The following PARVA variants were observed in gnomAD, a reference collection of about 807,000 sequenced individuals.
PARVA encodes parvin alpha, also known as alpha-parvin.
PARVA carries 25 observed loss-of-function variants against 52.6 expected under a neutral mutation model. The ratio of observed to expected loss-of-function variants is 0.48; its 90% CI spans 0.35 to 0.66. The LOEUF is 0.66. Among genes scored for constraint, PARVA ranks in the 30% least tolerant of loss-of-function variants. The probability of loss-of-function intolerance (pLI) is 0.01; values close to 1 mark genes in which losing one functional copy is unlikely to be tolerated. For synonymous variants in PARVA, 185 were observed against 179.1 expected, an observed-to-expected ratio of 1.03 and a Z score of -0.26; for missense variants, 373 against 450.9, an observed-to-expected ratio of 0.83 and a Z score of 1.56.
At chr11:12,383,430 C>T (rs1939522608) in intron 1 of PARVA, among the ~76,000 whole-genome samples, 1 of 152,280 alleles carries the variant, frequency 6.6e-6, no homozygotes, top group South Asian at 2.1e-4. Flanking sequence ...GTTTTTATCC[C>T]CCAGAGTTTT....
chr11:12,382,746 C>G (rs1939511263), intron 1 of PARVA, among the ~76,000 whole-genome samples: 1 of 152,130 alleles, frequency 6.6e-6, no homozygotes, highest in Non-Finnish European at 1.5e-5. Flanking sequence ...CTGGTTCAAC[C>G]CCTTATTCAT....
At chr11:12,503,723 G>A (rs987109951) in intron 5 of PARVA, among the ~76,000 whole-genome samples, 4 of 151,614 alleles carry the variant, frequency 2.6e-5, no homozygotes, top group African/African-American at 9.7e-5. Context: ...AACAGAGCAA[G>A]ACCCTGCTTC....
intron 12 of PARVA, among the ~76,000 whole-genome samples, chr11:12,520,867 C>T (rs539651371): frequency 6.6e-5 from 10 of 152,184 alleles, no homozygotes; most frequent in Non-Finnish European, 1.2e-4. Context: ...TGGAAGGGAT[C>T]GCTTGAGCCT....
Position 12,377,755 on chromosome 11 carries a change from C to A in PARVA, c.108C>A (p.Thr36=). The A allele has an allele frequency of 6.5e-7, 1 of 1,534,808 alleles. No homozygotes were observed. Among genetic ancestry groups the A allele is most frequent in the Non-Finnish European group, 8.7e-7 (1 of 1,145,964 alleles). Residue 36 remains threonine (T), a synonymous_variant, in exon 1 of 13, where the codon ACC becomes ACA. Coordinates refer to ENST00000334956, the MANE Select transcript of PARVA (RefSeq NM_018222.5). Reference sequence around the variant, plus strand: ...CCTTCTTGGGGAAACTCGGAGGGACCCTGGCCCGGAGGAAGAAAGCCAAGG... The same window carrying A: ...CCTTCTTGGGGAAACTCGGAGGGACACTGGCCCGGAGGAAGAAAGCCAAGG... The part of the protein sequence containing the change: ...DDSFLGKLGG[T]LARRKKAKEV...
chr11:12,457,957 C>T (rs72862253), intron 1 of PARVA, among the ~76,000 whole-genome samples: 4,295 of 152,346 alleles, frequency 0.028, 87 homozygotes, highest in Non-Finnish European at 0.049. Flanking sequence ...AGACCAGAGT[C>T]GGCCCTCAGC....
chr11:12,449,156 A>T (rs1000410267), intron 1 of PARVA, among the ~76,000 whole-genome samples: 5 of 150,162 alleles, frequency 3.3e-5, no homozygotes, highest in South Asian at 2.1e-4. Context: ...ATTTATTTTT[A>T]TTTTATTTTA....
chr11:12,384,903 G>A (rs1184544000), intron 1 of PARVA, among the ~76,000 whole-genome samples: 2 of 152,164 alleles, frequency 1.3e-5, no homozygotes, highest in African/African-American at 4.8e-5. Flanking sequence ...AGAGTTAGAT[G>A]GGAAGGCTCG....
chr11:12,378,061 G>A (rs1244972550), intron 1 of PARVA, among the ~76,000 whole-genome samples: 4 of 150,446 alleles, frequency 2.7e-5, no homozygotes, highest in Non-Finnish European at 4.4e-5. Flanking sequence ...GCCCCCGCCG[G>A]GCCGTGGGCG....
At chr11:12,440,447 GC>G (rs1554895985) in intron 1 of PARVA, among the ~76,000 whole-genome samples, 1 of 152,188 alleles carries the variant, frequency 6.6e-6, no homozygotes, top group Non-Finnish European at 1.5e-5. Context: ...GTGAACTGGG[GC>G]TCTGTATTAG....
At chr11:12,441,606 C>T (rs535903031) in intron 1 of PARVA, among the ~76,000 whole-genome samples, 12 of 151,818 alleles carry the variant, frequency 7.9e-5, no homozygotes, top group East Asian at 5.8e-4. Flanking sequence ...TCCACATAGA[C>T]GGGAATAAAG....
At chr11:12,396,676 G>C (rs1208417073) in intron 1 of PARVA, among the ~76,000 whole-genome samples, 1 of 152,218 alleles carries the variant, frequency 6.6e-6, no homozygotes, top group African/African-American at 2.4e-5. Context: ...CTATGTCTTT[G>C]CTCGCATGGA....
intron 3 of PARVA, 109 bp from the exon 4 acceptor site, chr11:12,477,732 TAAAATC>T: frequency 1.5e-6 from 1 of 659,926 alleles, no homozygotes; most frequent in Non-Finnish European, 2.7e-6. Flanking sequence ...AAATGAAACT[TAAAATC>T]TAAAGTTAAT....
At chr11:12,388,615 G>A (rs529466119) in intron 1 of PARVA, among the ~76,000 whole-genome samples, 6 of 152,162 alleles carry the variant, frequency 3.9e-5, no homozygotes, top group East Asian at 3.9e-4. Flanking sequence ...AGATAAAACC[G>A]TTGTGCAAAG....
At chr11:12,408,524 G>A (rs1372649677) in intron 1 of PARVA, among the ~76,000 whole-genome samples, 2 of 152,184 alleles carry the variant, frequency 1.3e-5, no homozygotes, top group African/African-American at 4.8e-5. Flanking sequence ...ACCCTGTGAT[G>A]AAGAGGTCAG....
intron 1 of PARVA, among the ~76,000 whole-genome samples, chr11:12,406,468 A>G (rs947790923): frequency 1.3e-5 from 2 of 151,292 alleles, no homozygotes; most frequent in Admixed American, 1.3e-4. Flanking sequence ...ATATAAAACT[A>G]AAGTATAACA....
chr11:12,520,265 G>A (rs868025722), intron 12 of PARVA, among the ~76,000 whole-genome samples: 13 of 152,310 alleles, frequency 8.5e-5, no homozygotes, highest in Non-Finnish European at 1.3e-4. Flanking sequence ...TTTCCAGTAC[G>A]TAAAGGGGAA....
At chr11:12,420,564 TAAG>T (rs1940134095) in intron 1 of PARVA, among the ~76,000 whole-genome samples, 1 of 152,178 alleles carries the variant, frequency 6.6e-6, no homozygotes, top group Non-Finnish European at 1.5e-5. Context: ...CACCTAATAA[TAAG>T]GAGTATGGTT....
chr11:12,505,876 A>G (rs1345229892), intron 6 of PARVA, among the ~76,000 whole-genome samples: 3 of 152,238 alleles, frequency 2.0e-5, no homozygotes, highest in African/African-American at 7.2e-5. Context: ...ATAGGTGGAC[A>G]TCGTCCCCAT....
intron 1 of PARVA, among the ~76,000 whole-genome samples, chr11:12,443,956 T>G (rs901737461): frequency 5.3e-5 from 8 of 152,198 alleles, no homozygotes; most frequent in Non-Finnish European, 2.9e-5. Context: ...CATTCCTGTT[T>G]GCCTCATGTC....
Sources: allele counts gnomAD v4.1 joint callset (sites outside exome capture counted in the v4.1 genomes callset), GRCh38; gene constraint gnomAD v4.1.1; transcripts MANE v1.5; gene names NCBI Gene and HGNC (gene_info 2026-07-23, HGNC 2026-07-21).